Variants in CSMD3 observed in about 807,000 individuals in gnomAD.
The protein encoded by CSMD3 is CUB and Sushi multiple domains 3.
A neutral mutation model predicts 435.2 loss-of-function variants in CSMD3; 177 were observed. The observed-to-expected ratio is 0.41, with a 90% CI of 0.36 to 0.46. The LOEUF is 0.46. Among genes scored for constraint, CSMD3 ranks in the 20% least tolerant of loss-of-function variants. The probability of loss-of-function intolerance (pLI) is 0.34; values close to 1 mark genes in which losing one functional copy is unlikely to be tolerated. For missense variants in CSMD3, 4,265 were observed against 4,504.6 expected, an observed-to-expected ratio of 0.95 and a Z score of 1.52; for synonymous variants, 1,656 against 1,520.5, an observed-to-expected ratio of 1.09 and a Z score of -2.07.
intron 16 of CSMD3, among the ~76,000 whole-genome samples, chr8:112,669,138 T>C (rs2075597075): frequency 6.6e-6 from 1 of 151,988 alleles, no homozygotes; most frequent in Non-Finnish European, 1.5e-5. Context: ...GTTCAAACGA[T>C]TCTCCTGCCT....
chr8:113,338,018 A>G (rs570182073), intron 1 of CSMD3, among the ~76,000 whole-genome samples: 47 of 152,156 alleles, frequency 3.1e-4, no homozygotes, highest in African/African-American at 1.0e-3. Flanking sequence ...AATGGGAAAA[A>G]GTATTAGCAA....
intron 1 of CSMD3, among the ~76,000 whole-genome samples, chr8:113,416,212 A>C: frequency 6.6e-6 from 1 of 152,132 alleles, no homozygotes; most frequent in Admixed American, 6.5e-5. Context: ...GCAAAGTGAC[A>C]ATCTGGGATT....
In CSMD3 at chr8:112,247,016, T is replaced by C; in HGVS notation, c.10222+4A>G. The C allele has an allele frequency of 1.9e-6, 3 of 1,592,400 alleles. No homozygotes were observed. Among genetic ancestry groups the C allele is most frequent in the Middle Eastern group, 1.7e-4 (1 of 6,018 alleles). On this transcript the variant is annotated splice_donor_region_variant and intron_variant, in intron 64 of 70. Transcript: ENST00000297405. Reference sequence around the variant, plus strand: ...TAGCATTATTTCTTATCCATAATACTTACGTATGCATTCAGGCTGAATCCC... The same window carrying C: ...TAGCATTATTTCTTATCCATAATACCTACGTATGCATTCAGGCTGAATCCC...
chr8:113,294,606 A>T (rs559988014), intron 2 of CSMD3, among the ~76,000 whole-genome samples: 35 of 152,144 alleles, frequency 2.3e-4, no homozygotes, highest in Non-Finnish European at 4.3e-4. Flanking sequence ...CTTAAAATTA[A>T]TCTATGGATC....
chr8:113,020,776 T>G (rs1168472245), intron 5 of CSMD3, among the ~76,000 whole-genome samples: 2 of 152,176 alleles, frequency 1.3e-5, no homozygotes, highest in Admixed American at 6.6e-5. Context: ...GAATTACAAA[T>G]ATTCTCTCAC....
chr8:112,940,161 T>C (rs1444583512), intron 9 of CSMD3, among the ~76,000 whole-genome samples: 2 of 151,910 alleles, frequency 1.3e-5, no homozygotes, highest in African/African-American at 4.8e-5. Context: ...ATAATAAACT[T>C]TTCCTGAATA....
chr8:113,153,101 A>AAAGAAAAGAAAG (rs35085690), intron 4 of CSMD3, among the ~76,000 whole-genome samples: 28 of 100,052 alleles, frequency 2.8e-4, no homozygotes, highest in African/African-American at 1.2e-3. Flanking sequence ...AGAAAGAAAG[A>AAAGAAAAGAAAG]AAAGAAAGAA....
At chr8:113,417,058 C>T (rs2094584836) in intron 1 of CSMD3, among the ~76,000 whole-genome samples, 1 of 151,754 alleles carries the variant, frequency 6.6e-6, no homozygotes, top group Non-Finnish European at 1.5e-5. Context: ...TTATTGGATG[C>T]CTAGAGACAA....
intron 22 of CSMD3, among the ~76,000 whole-genome samples, chr8:112,631,686 A>T (rs192867409): frequency 6.6e-6 from 1 of 152,138 alleles, no homozygotes; most frequent in East Asian, 1.9e-4. Flanking sequence ...TTAATATTCT[A>T]GAAGCTTTTA....
chr8:112,535,843 A>G (rs1461714980), intron 27 of CSMD3, among the ~76,000 whole-genome samples: 1 of 152,154 alleles, frequency 6.6e-6, no homozygotes, highest in African/African-American at 2.4e-5. Flanking sequence ...AATGGAACAG[A>G]ACAGAGCCCT....
At chr8:112,232,514 C>A (rs1813185133) in intron 68 of CSMD3, among the ~76,000 whole-genome samples, 1 of 152,066 alleles carries the variant, frequency 6.6e-6, no homozygotes, top group Admixed American at 6.5e-5. Context: ...GAGGCTGAGG[C>A]AGGAGAATCG....
chr8:113,338,632 A>G (rs139999328), intron 1 of CSMD3, among the ~76,000 whole-genome samples: 1 of 152,054 alleles, frequency 6.6e-6, no homozygotes, highest in African/African-American at 2.4e-5. Context: ...AAAATAAGAT[A>G]TATAGTGAAT....
intron 22 of CSMD3, among the ~76,000 whole-genome samples, chr8:112,599,875 G>C (rs1302503277): frequency 3.4e-5 from 2 of 59,024 alleles, no homozygotes; most frequent in East Asian, 4.6e-4. Context: ...GTGGTGGGGT[G>C]GGGGGAGGGG....
At chr8:112,643,146 G>A (rs1288394094) in intron 20 of CSMD3, among the ~76,000 whole-genome samples, 1 of 152,112 alleles carries the variant, frequency 6.6e-6, no homozygotes, top group East Asian at 1.9e-4. Flanking sequence ...AGGAGCTTTT[G>A]GTTGGAGCAA....
chr8:112,506,583 A>C, intron 29 of CSMD3, 108 bp downstream of exon 29: 1 of 1,109,372 alleles, frequency 9.0e-7, no homozygotes, highest in Non-Finnish European at 1.3e-6. Flanking sequence ...GTAAAAAATA[A>C]CAAAAAATGC....
chr8:112,660,832 C>A (rs1307427024), intron 17 of CSMD3, among the ~76,000 whole-genome samples: 1 of 151,952 alleles, frequency 6.6e-6, no homozygotes, highest in East Asian at 1.9e-4. Flanking sequence ...AGTGTTTGGG[C>A]CAATTAACAA....
At chr8:112,362,167 T>A (rs1420062432) in intron 38 of CSMD3, among the ~76,000 whole-genome samples, 1 of 151,940 alleles carries the variant, frequency 6.6e-6, no homozygotes, top group South Asian at 2.1e-4. Flanking sequence ...TGCAGATATT[T>A]TTCTGGCTTA....
chr8:112,256,342 T>A (rs1019183744), intron 61 of CSMD3, among the ~76,000 whole-genome samples: 1 of 151,938 alleles, frequency 6.6e-6, no homozygotes, highest in Admixed American at 6.6e-5. Flanking sequence ...CAAGCCTGTA[T>A]GTATGTGTGG....
intron 19 of CSMD3, 38 bp downstream of exon 19, chr8:112,650,123 A>C (rs749378730): frequency 3.6e-6 from 5 of 1,392,756 alleles, no homozygotes; most frequent in Admixed American, 1.7e-5. Flanking sequence ...TTTTCTGTTT[A>C]TAAATCAGCA....
Sources: allele counts gnomAD v4.1 joint callset (sites outside exome capture counted in the v4.1 genomes callset), GRCh38; gene constraint gnomAD v4.1.1; transcripts MANE v1.5; gene names NCBI Gene and HGNC (gene_info 2026-07-23, HGNC 2026-07-21).